The following PCMT1 variants were observed in gnomAD, a reference collection of about 807,000 sequenced individuals.
The protein encoded by PCMT1 is protein-L-isoaspartate(D-aspartate) O-methyltransferase.
PCMT1 carries 9 observed loss-of-function variants against 29.2 expected under a neutral mutation model. That is an observed-to-expected ratio of 0.31 (90% confidence interval 0.19 to 0.54). PCMT1 has a LOEUF of 0.54. PCMT1 is among the 20% of genes least tolerant of loss of function. PCMT1 has a pLI of 0.95. For missense variants in PCMT1, 184 were observed against 282.2 expected (o/e 0.65, Z 2.49); for synonymous variants, 98 against 97.5 (o/e 1.00, Z -0.03).
intron 1 of PCMT1, among the ~76,000 whole-genome samples, chr6:149,769,305 A>ATTCT (rs1787213410): frequency 2.1e-5 from 1 of 48,126 alleles, no homozygotes; most frequent in Admixed American, 2.9e-4. Flanking sequence ...TTTGTGCAGG[A>ATTCT]TTCTTTTTTT....
chr6:149,802,676 T>A (rs1381637502), intron 7 of PCMT1: 3 of 242,128 alleles, frequency 1.2e-5, no homozygotes, highest in Non-Finnish European at 2.3e-5. Flanking sequence ...TTTGTAAGGA[T>A]TTTTTCTTCA....
chr6:149,760,438 T>C (rs1264714806), intron 1 of PCMT1, among the ~76,000 whole-genome samples: 2 of 152,012 alleles, frequency 1.3e-5, no homozygotes, highest in Non-Finnish European at 2.9e-5. Flanking sequence ...CCTAGACTCC[T>C]CTCTTGTTGC....
At chr6:149,761,032 TGTGTGTG>T in intron 1 of PCMT1, among the ~76,000 whole-genome samples, 1 of 50,350 alleles carries the variant, frequency 2.0e-5, no homozygotes. Flanking sequence ...AAAAAGTGTG[TGTGTGTG>T]TGTGTGTGTG....
At chr6:149,793,961 T>G (rs562042471) in intron 5 of PCMT1, among the ~76,000 whole-genome samples, 154 of 152,330 alleles carry the variant, frequency 1.0e-3, no homozygotes, top group African/African-American at 2.9e-3. Context: ...TTGGATTGCT[T>G]GTATTTTTGA....
rs1029539073 is a variant in PCMT1 at position 149,776,524 on chromosome 6, G to A, written c.192+3355G>A. 4.6e-5 allele frequency among the ~76,000 whole-genome samples: 7 copies of A among 152,046 alleles called. No homozygotes were observed. In the South Asian group the frequency reaches 6.2e-4, roughly 14 times the overall value. On this transcript the variant is annotated intron_variant, in intron 3 of 7. Coordinates refer to ENST00000464889, the MANE Select transcript of PCMT1 (RefSeq NM_001360452.2). ...TCTCCTGACCTCAAGTGATCCACCC[G>A]CCTTGGCCTCCCAGAGTGCTGGGAT...
At chr6:149,782,577 T>C (rs898301045) in intron 3 of PCMT1, among the ~76,000 whole-genome samples, 1 of 152,146 alleles carries the variant, frequency 6.6e-6, no homozygotes, top group Non-Finnish European at 1.5e-5. Context: ...GACTGACATC[T>C]GTCAAGTGAG....
chr6:149,771,684 T>A (rs1787331483), intron 2 of PCMT1, among the ~76,000 whole-genome samples: 1 of 152,078 alleles, frequency 6.6e-6, no homozygotes, highest in African/African-American at 2.4e-5. Flanking sequence ...GCCTGGCTAA[T>A]TTTTTGTATT....
intron 2 of PCMT1, among the ~76,000 whole-genome samples, 167 bp downstream of exon 2, chr6:149,771,433 T>A (rs1044951938): frequency 2.0e-5 from 3 of 152,226 alleles, no homozygotes; most frequent in African/African-American, 7.2e-5. Flanking sequence ...TTAATAAAAT[T>A]ATGTATGTTT....
At chr6:149,795,101 G>A in intron 5 of PCMT1, 2 of 323,966 alleles carry the variant, frequency 6.2e-6, no homozygotes, top group Non-Finnish European at 1.2e-5. Flanking sequence ...GCTGAGGCAG[G>A]AGAATCGCTT....
chr6:149,788,577 G>T (rs1788219388), intron 3 of PCMT1, among the ~76,000 whole-genome samples: 1 of 152,130 alleles, frequency 6.6e-6, no homozygotes, highest in Admixed American at 6.6e-5. Flanking sequence ...TTTTTGCCTG[G>T]CATATCCCAG....
intron 1 of PCMT1, among the ~76,000 whole-genome samples, chr6:149,755,289 A>C (rs766888729): frequency 6.6e-6 from 1 of 152,108 alleles, no homozygotes; most frequent in Non-Finnish European, 1.5e-5. Flanking sequence ...ATTATGGTGC[A>C]TGCCTGTAGT....
intron 3 of PCMT1, among the ~76,000 whole-genome samples, chr6:149,787,300 C>CGTGGGGAGAGGGAGACA (rs1788154327): frequency 1.4e-5 from 2 of 148,132 alleles, no homozygotes; most frequent in African/African-American, 5.1e-5. Flanking sequence ...AGAGGGAGAC[C>CGTGGGGAGAGGGAGACA]GTGGGGAGAG....
intron 4 of PCMT1, among the ~76,000 whole-genome samples, chr6:149,791,121 G>A (rs749943758): frequency 4.6e-5 from 7 of 152,212 alleles, no homozygotes; most frequent in Non-Finnish European, 8.8e-5. Flanking sequence ...CGGGCCCTGG[G>A]ACATGTCTGA....
At chr6:149,778,349 C>T (rs1171156354) in intron 3 of PCMT1, among the ~76,000 whole-genome samples, 1 of 151,896 alleles carries the variant, frequency 6.6e-6, no homozygotes, top group Non-Finnish European at 1.5e-5. Flanking sequence ...CTGCTTCAGC[C>T]TCCTGAGTAG....
intron 1 of PCMT1, among the ~76,000 whole-genome samples, chr6:149,769,529 G>A (rs1787225245): frequency 6.6e-6 from 1 of 151,492 alleles, no homozygotes; most frequent in African/African-American, 2.4e-5. Context: ...GGACAGGCTG[G>A]TCTCAAACTC....
chr6:149,761,717 C>A (rs1318593410), intron 1 of PCMT1, among the ~76,000 whole-genome samples: 1 of 152,148 alleles, frequency 6.6e-6, no homozygotes, highest in Non-Finnish European at 1.5e-5. Context: ...CCTCTTAACC[C>A]ATCTACTTGG....
Position 149,793,589 on chromosome 6 carries a change from A to G in PCMT1, c.338A>G (p.Lys113Arg). The G allele has an allele frequency of 1.3e-6, 2 of 1,551,786 alleles. No individual in the cohort carries two copies. Among genetic ancestry groups the G allele is most frequent in the Non-Finnish European group, 1.7e-6 (2 of 1,157,666 alleles). Reference protein sequence around the residue: ...TGKVIGIDHIKELVDDSVNNV... With the variant: ...TGKVIGIDHIRELVDDSVNNV... Reference sequence around the variant, plus strand: ...AAAGTCATAGGAATTGATCACATTAAAGAGCTAGTAGATGACTCAGTAAAT... The same window carrying G: ...AAAGTCATAGGAATTGATCACATTAGAGAGCTAGTAGATGACTCAGTAAAT... Residue 113 changes from lysine (K) to arginine (R), a missense_variant, in exon 5 of 8, where the codon AAA becomes AGA. By Grantham distance (26) the Lys-to-Arg change is conservative. Transcript: ENST00000464889.
At chr6:149,782,779 CA>C (rs1426537167) in intron 3 of PCMT1, among the ~76,000 whole-genome samples, 25 of 151,410 alleles carry the variant, frequency 1.7e-4, no homozygotes, top group African/African-American at 5.6e-4. Flanking sequence ...AAGAGCAAGA[CA>C]GGGAAAAAAG....
intron 6 of PCMT1, chr6:149,799,225 G>C (rs971535226): frequency 6.6e-6 from 1 of 152,222 alleles, no homozygotes; most frequent in Admixed American, 6.5e-5. Flanking sequence ...GAGGTGGGAG[G>C]ATTGCTTGAG....
Sources: gnomAD v4.1 joint callset for allele counts (sites outside exome capture counted in the v4.1 genomes callset) on GRCh38, gnomAD v4.1.1 for gene constraint, MANE v1.5 for transcripts, NCBI Gene and HGNC (gene_info 2026-07-23, HGNC 2026-07-21) for gene names.